Variants in CPEB4 observed in about 807,000 individuals in gnomAD.
CPEB4 encodes the protein cytoplasmic polyadenylation element binding protein 4.
A neutral mutation model predicts 72.5 loss-of-function variants in CPEB4; 12 were observed. The observed-to-expected ratio is 0.17, with a 90% CI of 0.11 to 0.27. The LOEUF (loss-of-function observed/expected upper bound fraction) is 0.27, where lower values mean the gene tolerates loss of function less well. CPEB4 is among the 10% of genes least tolerant of loss of function. The probability of loss-of-function intolerance (pLI) is 1.00; values close to 1 mark genes in which losing one functional copy is unlikely to be tolerated. For synonymous variants in CPEB4, 302 were observed against 326.3 expected (o/e 0.93, Z 0.80); for missense variants, 614 against 908.5 (o/e 0.68, Z 4.17).
chr5:173,914,765 GAA>G (rs1026769621), intron 2 of CPEB4, among the ~76,000 whole-genome samples: 10 of 151,958 alleles, frequency 6.6e-5, no homozygotes, highest in Non-Finnish European at 1.5e-4. Flanking sequence ...TCACAAAAAG[GAA>G]AGAGAAGAAA....
rs766668793 is a variant in CPEB4 at position 173,889,570 on chromosome 5, A to C, written c.-164A>C. ...TTTTCTTTCAGAGACCAGAATTCCA[A>C]ATCAGAACAATTTAAGGTGATAAGC... On this transcript the variant is annotated 5_prime_UTR_variant, in exon 1 of 10. Coordinates refer to ENST00000265085, the MANE Select transcript of CPEB4 (RefSeq NM_030627.4). 5 of 562,804 alleles carry C rather than the reference A, an allele frequency of 8.9e-6. No homozygotes were observed. The highest frequency in any genetic ancestry group is 1.5e-5 in the Non-Finnish European group (5 of 325,000). 34.9% of individuals were successfully genotyped at this position (562,804 alleles called of 1,614,324 possible).
At chr5:173,942,685 C>T (rs1047172918) in intron 3 of CPEB4, among the ~76,000 whole-genome samples, 13 of 152,162 alleles carry the variant, frequency 8.5e-5, no homozygotes, top group Admixed American at 5.9e-4. Context: ...TGAGAGAAAA[C>T]GTTATTAATA....
In CPEB4 at chr5:173,951,873, G is replaced by A; in HGVS notation, c.1715G>A (p.Gly572Asp). The A allele has an allele frequency of 6.2e-7, 1 of 1,613,932 alleles. No homozygotes were observed. The highest frequency in any genetic ancestry group is 8.5e-7 in the Non-Finnish European group (1 of 1,179,876). Residue 572 changes from glycine (G) to aspartate (D), a missense_variant, in exon 8 of 10, where the codon GGT becomes GAT. Gly to Asp is a moderately conservative substitution (Grantham distance 94). This residue lies in a region of CPEB4 where 101 missense variants were observed against 243.1 expected (regional missense o/e 0.42). Transcript: ENST00000265085. ...AGTGACAGTGACTTTGTGATGGATG[G>A]TTCACAGCCACTTGACCCACGAAAA... Reference protein sequence around the residue: ...NLSDSDFVMDGSQPLDPRKTI... With the variant: ...NLSDSDFVMDDSQPLDPRKTI...
intron 1 of CPEB4, 27 bp downstream of exon 1, chr5:173,890,885 A>T (rs762346572): frequency 6.4e-7 from 1 of 1,568,282 alleles, no homozygotes; most frequent in Non-Finnish European, 8.7e-7. Context: ...TTAATAGATT[A>T]GGATGAATAA....
At chr5:173,924,965 G>C (rs778709215) in intron 2 of CPEB4, among the ~76,000 whole-genome samples, 1 of 152,200 alleles carries the variant, frequency 6.6e-6, no homozygotes, top group Non-Finnish European at 1.5e-5. Context: ...AGTACAGAGG[G>C]TTATCTGAAT....
At chr5:173,919,246 A>G (rs1756990972) in intron 2 of CPEB4, among the ~76,000 whole-genome samples, 1 of 152,208 alleles carries the variant, frequency 6.6e-6, no homozygotes, top group Non-Finnish European at 1.5e-5. Context: ...TGTCATATTA[A>G]GTTTTGTGTA....
chr5:173,953,373 C>A (rs1758273786), intron 9 of CPEB4, 101 bp downstream of exon 9: 2 of 906,796 alleles, frequency 2.2e-6, no homozygotes, highest in African/African-American at 1.7e-5. Context: ...AAAGTGACAG[C>A]TGACAATTTT....
intron 2 of CPEB4, among the ~76,000 whole-genome samples, chr5:173,914,682 G>A (rs1756798711): frequency 6.6e-6 from 1 of 152,152 alleles, no homozygotes; most frequent in African/African-American, 2.4e-5. Context: ...CTTGAACCTG[G>A]CAGGCGGAGG....
At position 173,950,144 on chromosome 5, in the gene CPEB4, AC is replaced by A. The variant is rs1758166634; in HGVS notation, c.1665+69del. 2.2e-6 allele frequency: 2 copies of A among 926,538 alleles called. No homozygotes were observed. The highest frequency in any genetic ancestry group is 3.4e-6 in the Non-Finnish European group (2 of 592,200). The allele number at this position is 926,538 out of a possible 1,614,324, so 57.4% of individuals were successfully genotyped here. ...TCCATTCATCTGTTATATTTGAAAAACCCATAGACAACTTGATGTGTTTGGG... is the reference window on the plus strand; with the variant it reads ...TCCATTCATCTGTTATATTTGAAAAACCATAGACAACTTGATGTGTTTGGG... On this transcript the variant is annotated intron_variant, in intron 7 of 9. Coordinates refer to ENST00000265085, the MANE Select transcript of CPEB4 (RefSeq NM_030627.4). The surrounding 1 kb of genome is among the most constrained non-coding windows in gnomAD (Gnocchi z 5.0).
At position 173,911,681 on chromosome 5, in the gene CPEB4, G is replaced by GTTT. The variant is rs67673139; in HGVS notation, c.1207+1098_1207+1100dup. Reference sequence around the variant, plus strand: ...AAAATATCAGTTTATTAGAAAGCAGGTTTTTTTTTTTTTTTTTTTTTTTAA... The same window carrying GTTT: ...AAAATATCAGTTTATTAGAAAGCAGGTTTTTTTTTTTTTTTTTTTTTTTTTTAA... On this transcript the variant is annotated intron_variant, in intron 2 of 9. Coordinates refer to ENST00000265085, the MANE Select transcript of CPEB4 (RefSeq NM_030627.4). 8.6e-3 allele frequency among the ~76,000 whole-genome samples: 983 copies of GTTT among 113,746 alleles called. 24 individuals carry two copies. The highest frequency in any genetic ancestry group is 0.015 in the Middle Eastern group (3 of 196). 74.6% of individuals were successfully genotyped at this position (113,746 alleles called of 152,430 possible). A position where few individuals can be genotyped will look rare whatever the true frequency, so the allele number is the denominator to read the frequency against.
At position 173,900,825 on chromosome 5, in the gene CPEB4, C is replaced by A. The variant is rs1756206182; in HGVS notation, c.1126-9698C>A. ...TCACTAACCGCCATGCTTTGTGCTC[C>A]TGCTGCCCATATACCTTATCTCACT... On this transcript the variant is annotated intron_variant, in intron 1 of 9. Transcript: ENST00000265085. The surrounding 1 kb of genome is among the most constrained non-coding windows in gnomAD (Gnocchi z 4.4). Among the ~76,000 whole-genome samples, 1 of 152,132 alleles carries A rather than the reference C, an allele frequency of 6.6e-6. No homozygotes were observed. The highest frequency in any genetic ancestry group is 2.1e-4 in the South Asian group (1 of 4,826).
At chr5:173,945,446 G>A (rs955143392) in intron 5 of CPEB4, among the ~76,000 whole-genome samples, 3 of 152,012 alleles carry the variant, frequency 2.0e-5, no homozygotes, top group Admixed American at 2.0e-4. Context: ...TTGTCTGTGT[G>A]TGCTACTTTG....
intron 3 of CPEB4, among the ~76,000 whole-genome samples, chr5:173,938,011 T>C (rs1444941472): frequency 1.3e-5 from 2 of 152,228 alleles, no homozygotes; most frequent in Admixed American, 6.5e-5. Flanking sequence ...AAATGGTTCT[T>C]TGCATCTTTG....
chr5:173,921,167 A>C (rs1757058852), intron 2 of CPEB4, among the ~76,000 whole-genome samples: 1 of 152,208 alleles, frequency 6.6e-6, no homozygotes, highest in African/African-American at 2.4e-5. Context: ...CTGAGTTCAT[A>C]GTAGCCTTCT....
At chr5:173,931,607 T>G (rs111667971) in intron 2 of CPEB4, among the ~76,000 whole-genome samples, 3 of 152,334 alleles carry the variant, frequency 2.0e-5, no homozygotes, top group African/African-American at 7.2e-5. Context: ...GCATGATGAT[T>G]CTTATTTTAT....
chr5:173,954,798 A>G (rs1758325911), intron 9 of CPEB4, among the ~76,000 whole-genome samples: 1 of 152,172 alleles, frequency 6.6e-6, no homozygotes, highest in Non-Finnish European at 1.5e-5. Context: ...CTCTGCAATG[A>G]AATCCTTTGC....
rs750214597 is a variant in CPEB4, at chr5:173,910,620, T to C, written c.1207+16T>C. The C allele has an allele frequency of 1.4e-6, 2 of 1,456,442 alleles. No individual in the cohort carries two copies. The highest frequency in any genetic ancestry group is 2.3e-5 in the East Asian group (1 of 44,094). The allele number at this position is 1,456,442 out of a possible 1,614,324, so 90.2% of individuals were successfully genotyped here. ...ACCATTAAAGGTAAGTTTAGAAATA[T>C]ACCCAATTGATTTCAGACAATAGTT... On this transcript the variant is annotated intron_variant, in intron 2 of 9. Transcript: ENST00000265085.
chr5:173,893,395 T>A (rs954287917), intron 1 of CPEB4, among the ~76,000 whole-genome samples: 4 of 152,046 alleles, frequency 2.6e-5, no homozygotes, highest in Non-Finnish European at 5.9e-5. Context: ...GGCAGAAGGA[T>A]TGCATGAGCC....
chr5:173,916,048 A>G (rs1756854592), intron 2 of CPEB4, among the ~76,000 whole-genome samples: 1 of 152,238 alleles, frequency 6.6e-6, no homozygotes, highest in Non-Finnish European at 1.5e-5. Flanking sequence ...AGTATTTTAA[A>G]TTCAATATAT....
Sources: allele counts gnomAD v4.1 joint callset (sites outside exome capture counted in the v4.1 genomes callset), GRCh38; gene constraint gnomAD v4.1.1; regional missense constraint gnomAD v4.1.1; non-coding constraint Gnocchi (gnomAD v3.1); transcripts MANE v1.5; gene names NCBI Gene and HGNC (gene_info 2026-07-23, HGNC 2026-07-21).